ZCCHC10: variants seen among roughly 807,000 people sequenced by gnomAD.
ZCCHC10 encodes zinc finger CCHC-type containing 10, also known as zinc finger CCHC domain-containing protein 10.
A neutral mutation model predicts 19.5 loss-of-function variants in ZCCHC10; 16 were observed. The ratio of observed to expected loss-of-function variants is 0.82; its 90% CI spans 0.56 to 1.25. The LOEUF (loss-of-function observed/expected upper bound fraction) is 1.25. ZCCHC10 is among the 50% of genes most tolerant of loss of function. ZCCHC10 has a pLI of 0.00. For synonymous variants in ZCCHC10, 67 were observed against 72.5 expected, an observed-to-expected ratio of 0.92 and a Z score of 0.38; for missense variants, 197 against 201.0, an observed-to-expected ratio of 0.98 and a Z score of 0.12.
At chr5:133,003,577 G>T (rs537432320) in intron 3 of ZCCHC10, among the ~76,000 whole-genome samples, 16 of 152,142 alleles carry the variant, frequency 1.1e-4, no homozygotes, top group African/African-American at 3.1e-4. Flanking sequence ...GCTGTTCTTA[G>T]ACTTCTGGCC....
chr5:133,016,936 GC>G (rs1178442353), intron 2 of ZCCHC10, among the ~76,000 whole-genome samples: 1 of 150,030 alleles, frequency 6.7e-6, no homozygotes, highest in Admixed American at 6.7e-5. Context: ...TGCCAGGCAG[GC>G]CCCCCCCAGA....
At chr5:133,007,743 A>C (rs1439645492) in intron 2 of ZCCHC10, among the ~76,000 whole-genome samples, 1 of 152,136 alleles carries the variant, frequency 6.6e-6, no homozygotes, top group Non-Finnish European at 1.5e-5. Flanking sequence ...TGTCTTTATC[A>C]GCAGTGTGAA....
At chr5:132,999,657 G>T (rs1252390042) in intron 4 of ZCCHC10, among the ~76,000 whole-genome samples, 7 of 151,640 alleles carry the variant, frequency 4.6e-5, no homozygotes, top group African/African-American at 1.7e-4. Flanking sequence ...TGGAAGCAAT[G>T]CATTTCCAGA....
At chr5:133,002,011 G>A (rs536475943) in intron 3 of ZCCHC10, among the ~76,000 whole-genome samples, 2 of 133,794 alleles carry the variant, frequency 1.5e-5, no homozygotes, top group East Asian at 4.2e-4. Flanking sequence ...CGCCCAGGCA[G>A]GAGTGCAGTG....
intron 4 of ZCCHC10, among the ~76,000 whole-genome samples, chr5:132,999,137 C>T (rs1312443050): frequency 6.6e-6 from 1 of 152,090 alleles, no homozygotes; most frequent in African/African-American, 2.4e-5. Context: ...GTTGGCCAGG[C>T]TGGTCTCGAA....
rs757831746 is a variant in ZCCHC10 at position 132,998,766 on chromosome 5, G to A, written c.396C>T (p.Thr132=). The stretch of plus-strand genomic sequence containing the variant: ...TGTCACTGTCCTCTGAGGAGGAAGA[G>A]GTAGATGTTTCTTCACTCTCTGATG... The part of the protein sequence containing the change: ...DSSSESEETS[T]SSSSEDSDTD... Residue 132 remains threonine, a synonymous_variant, in exon 5 of 5, where the codon ACC becomes ACT. Coordinates refer to ENST00000509437, the MANE Select transcript of ZCCHC10 (RefSeq NM_001300816.3). 13 of 1,614,108 alleles carry A rather than the reference G, an allele frequency of 8.1e-6. No homozygotes were observed. The highest frequency in any genetic ancestry group is 2.2e-5 in the South Asian group (2 of 91,080).
intron 2 of ZCCHC10, among the ~76,000 whole-genome samples, chr5:133,015,079 T>TTG (rs897564319): frequency 6.8e-6 from 1 of 147,504 alleles, no homozygotes; most frequent in African/African-American, 2.5e-5. Flanking sequence ...ACTGTGAGGT[T>TTG]TTTTTTTTTT....
intron 2 of ZCCHC10, among the ~76,000 whole-genome samples, chr5:133,010,290 C>T (rs1048106082): frequency 6.6e-6 from 1 of 152,046 alleles, no homozygotes; most frequent in Non-Finnish European, 1.5e-5. Context: ...CTCAGGCAAT[C>T]CACTTGCCTC....
At chr5:133,026,182 A>G (rs1324521861) in intron 1 of ZCCHC10, among the ~76,000 whole-genome samples, 3 of 152,192 alleles carry the variant, frequency 2.0e-5, no homozygotes. Flanking sequence ...TCCCCTGTCC[A>G]CGCGTGGGGT....
rs74843776 is a variant in ZCCHC10, at chr5:133,025,503, CAAAAAA to C, written c.41+988_41+993del. ...TGGGAGACAGAGCAAGACTCCGCCT[CAAAAAA>C]AAAAAAAAAAAAAAAAAAAAAAAAG... On this transcript the variant is annotated intron_variant, in intron 1 of 4. Coordinates refer to ENST00000509437, the MANE Select transcript of ZCCHC10 (RefSeq NM_001300816.3). Among the ~76,000 whole-genome samples, 51 of 18,678 alleles carry C rather than the reference CAAAAAA, an allele frequency of 2.7e-3. 2 individuals are homozygous for C. Among genetic ancestry groups the C allele is most frequent in the African/African-American group, 2.2e-3 (16 of 7,150 alleles). The allele number at this position is 18,678 out of a possible 152,430, so 12.3% of individuals were successfully genotyped here. A position where few individuals can be genotyped will look rare whatever the true frequency, so the allele number is the denominator to read the frequency against.
chr5:133,010,193 C>T (rs1763406159), intron 2 of ZCCHC10, among the ~76,000 whole-genome samples: 1 of 151,964 alleles, frequency 6.6e-6, no homozygotes. Flanking sequence ...GGACTACAGG[C>T]ACACACCACC....
At chr5:133,020,239 G>A (rs1764212329) in intron 2 of ZCCHC10, among the ~76,000 whole-genome samples, 1 of 151,954 alleles carries the variant, frequency 6.6e-6, no homozygotes, top group Admixed American at 6.6e-5. Flanking sequence ...GGCCAAGGCA[G>A]ATCACTTGAT....
At chr5:133,012,914 AGTGGCGG>A (rs1763653715) in intron 2 of ZCCHC10, among the ~76,000 whole-genome samples, 1 of 151,656 alleles carries the variant, frequency 6.6e-6, no homozygotes, top group Admixed American at 6.6e-5. Flanking sequence ...AGCCGGGCGC[AGTGGCGG>A]GTGCCTGTAG....
chr5:133,010,166 A>G (rs1407034655), intron 2 of ZCCHC10, among the ~76,000 whole-genome samples: 3 of 150,564 alleles, frequency 2.0e-5, no homozygotes, highest in Non-Finnish European at 2.9e-5. Context: ...TTCCTGCCTC[A>G]GCTTCGGGAG....
At chr5:133,000,198 GCTC>G (rs1561531411) in intron 3 of ZCCHC10, 25 bp from the exon 4 acceptor site, 2 of 1,613,240 alleles carry the variant, frequency 1.2e-6, no homozygotes, top group Admixed American at 3.3e-5. Context: ...GGGGAAAAAA[GCTC>G]CTGTTAATAG....
At chr5:133,019,719 C>T (rs1365528672) in intron 2 of ZCCHC10, among the ~76,000 whole-genome samples, 1 of 151,928 alleles carries the variant, frequency 6.6e-6, no homozygotes, top group Non-Finnish European at 1.5e-5. Flanking sequence ...CTTTGGGAGG[C>T]GAAGGCGGGT....
chr5:133,020,791 G>A (rs1764255725), intron 2 of ZCCHC10, among the ~76,000 whole-genome samples: 1 of 152,042 alleles, frequency 6.6e-6, no homozygotes, highest in Admixed American at 6.6e-5. Flanking sequence ...TGCAATATTG[G>A]CTCACTGCAA....
chr5:133,012,732 T>C (rs894171085), intron 2 of ZCCHC10, among the ~76,000 whole-genome samples: 1 of 150,490 alleles, frequency 6.6e-6, no homozygotes, highest in African/African-American at 2.4e-5. Context: ...CTGGACAACA[T>C]GGTGAAACCT....
chr5:133,015,244 A>G (rs1466043172), intron 2 of ZCCHC10, among the ~76,000 whole-genome samples: 2 of 151,646 alleles, frequency 1.3e-5, no homozygotes, highest in African/African-American at 2.4e-5. Context: ...ACACTCAGCT[A>G]ATTTTTGTAT....
Sources: gnomAD v4.1 joint callset for allele counts (sites outside exome capture counted in the v4.1 genomes callset) on GRCh38, gnomAD v4.1.1 for gene constraint, MANE v1.5 for transcripts, NCBI Gene and HGNC (gene_info 2026-07-23, HGNC 2026-07-21) for gene names.